Variants in STRA6 observed in about 807,000 individuals in gnomAD.
STRA6 encodes the protein receptor for retinol uptake STRA6.
A neutral mutation model predicts 83.6 loss-of-function variants in STRA6; 48 were observed. The ratio of observed to expected loss-of-function variants is 0.57; its 90% CI spans 0.46 to 0.73. The LOEUF (loss-of-function observed/expected upper bound fraction) is 0.73, where lower values mean the gene tolerates loss of function less well. STRA6 is among the 30% of genes least tolerant of loss of function. The pLI is 0.00. For missense variants in STRA6, 760 were observed against 838.8 expected (o/e 0.91, Z 1.16); for synonymous variants, 353 against 362.3 (o/e 0.97, Z 0.29).
chr15:74,191,286 C>G (rs780348885), intron 9 of STRA6, 43 bp from the exon 10 acceptor site: 1 of 1,611,128 alleles, frequency 6.2e-7, no homozygotes, highest in Non-Finnish European at 8.5e-7. Flanking sequence ...CAGGGGAAGC[C>G]CATTCCCTGA....
Position 74,180,783 on chromosome 15 carries a change from T to C in STRA6, c.1839A>G (p.Glu613=). Residue 613 remains glutamate, a splice_region_variant and synonymous_variant, in exon 18 of 19, where the codon GAA becomes GAG. Coordinates refer to ENST00000395105, the MANE Select transcript of STRA6 (RefSeq NM_022369.4). ...CCCATTCCCAGTGGGAGGGCGCACCTTCGTCTTCCTCCCCTGGTCTGAGGC... is the reference window on the plus strand; with the variant it reads ...CCCATTCCCAGTGGGAGGGCGCACCCTCGTCTTCCTCCCCTGGTCTGAGGC... ...QDSLRPGEED[E]GMQLLQTKDS... The C allele has an allele frequency of 1.9e-6, 3 of 1,604,250 alleles. No homozygotes were observed. The highest frequency in any genetic ancestry group is 2.6e-6 in the Non-Finnish European group (3 of 1,172,150).
At chr15:74,208,977 G>A (rs751356427) in exon 1 of STRA6, 40 of 1,003,566 alleles carry the variant, frequency 4.0e-5, no homozygotes, top group Non-Finnish European at 4.4e-5. Flanking sequence ...GTGTGGTCTC[G>A]GCAGTTGGCC....
In STRA6 at chr15:74,183,948, A is replaced by C. The variant is rs767710399; in HGVS notation, c.1208T>G (p.Leu403Trp). ...RALHRGAALD[L>W]SPLHRSPHPS... is the part of the protein sequence containing the mutation. ...ATGGGGACTCCGATGCAAGGGACTC[A>C]AGTCCAGGGCAGCTCCTCGGTGCAG... is the stretch of plus-strand genomic sequence containing the variant. The change falls in exon 14 of 19, where the codon TTG (leucine) becomes TGG (tryptophan). Residue 403 changes from leucine to tryptophan, a missense_variant. Transcript: ENST00000395105. 8.1e-6 allele frequency: 13 copies of C among 1,613,744 alleles called. No homozygotes were observed. The East Asian group carries it at 2.7e-4, about 33-fold the overall frequency.
chr15:74,210,995 G>A (rs1390792379), upstream of STRA6, among the ~76,000 whole-genome samples: 3 of 152,152 alleles, frequency 2.0e-5, 1 homozygote, highest in South Asian at 4.1e-4. Context: ...CTTAGCTAAG[G>A]CCAGATTATA....
chr15:74,187,469 C>T (rs952414017), intron 12 of STRA6, among the ~76,000 whole-genome samples: 3 of 151,846 alleles, frequency 2.0e-5, no homozygotes, highest in Non-Finnish European at 4.4e-5. Context: ...ATGCACTTTG[C>T]CCAAGGTCAC....
At chr15:74,202,963 G>A (rs551598673), upstream of STRA6, 3 of 986,378 alleles carry the variant, frequency 3.0e-6, no homozygotes, top group African/African-American at 1.7e-5. Context: ...GGTGTGGCCA[G>A]GAGCCACCCC....
chr15:74,202,290 C>G lies in STRA6; in HGVS notation c.-15-8G>C. 6.4e-7 allele frequency: 1 copy of G among 1,557,950 alleles called. No individual in the cohort carries two copies. Among genetic ancestry groups the G allele is most frequent in the Non-Finnish European group, 8.6e-7 (1 of 1,159,078 alleles). On this transcript the variant is annotated splice_polypyrimidine_tract_variant and splice_region_variant and intron_variant, in intron 1 of 18. Coordinates refer to ENST00000395105, the MANE Select transcript of STRA6 (RefSeq NM_022369.4). The stretch of plus-strand genomic sequence containing the variant: ...CATTCTCTGGCCCTTCTCCTTTGAC[C>G]CCAGGCGAGAGAAAAAAAAAGCCAC...
Position 74,189,285 on chromosome 15 carries a change from A to G in STRA6, c.928-8T>C. ...CAGCAGCAGCAGGGCCACCTGGAAG[A>G]GCCCCACAGTGAGGGCCCCATCCCA... is the stretch of plus-strand genomic sequence containing the variant. On this transcript the variant is annotated splice_region_variant and splice_polypyrimidine_tract_variant and intron_variant, in intron 11 of 18. Coordinates refer to ENST00000395105, the MANE Select transcript of STRA6 (RefSeq NM_022369.4). 6.3e-7 allele frequency: 1 copy of G among 1,587,830 alleles called. No homozygotes were observed. The highest frequency in any genetic ancestry group is 1.3e-5 in the African/African-American group (1 of 74,694).
At chr15:74,203,097 G>A (rs2074160589), upstream of STRA6, 7 of 985,446 alleles carry the variant, frequency 7.1e-6, no homozygotes, top group East Asian at 1.1e-4. Context: ...AGCAACAACC[G>A]AGTGAGACGG....
At chr15:74,182,110 C>T (rs774901451) in intron 16 of STRA6, 51 bp downstream of exon 16, 46 of 1,502,342 alleles carry the variant, frequency 3.1e-5, no homozygotes, top group Non-Finnish European at 3.8e-5. Flanking sequence ...AGAGAGACAC[C>T]GAAGAAGAGG....
In STRA6 at chr15:74,188,405, G is replaced by C. The variant is rs541939747; in HGVS notation, c.1090+710C>G. Among the ~76,000 whole-genome samples the C allele has an allele frequency of 6.6e-6, 1 of 152,240 alleles. No individual in the cohort carries two copies. The highest frequency in any genetic ancestry group is 1.9e-4 in the East Asian group (1 of 5,194). On this transcript the variant is annotated intron_variant, in intron 12 of 18. Transcript: ENST00000395105. This position sits in a 1 kb window ranked among gnomAD's most constrained non-coding sequence, Gnocchi z 4.5. The stretch of plus-strand genomic sequence containing the variant: ...TCCTGAGTCCTCAGCACCGGGCTTT[G>C]TCCCAAGGTGATGGAGAAGGCCCCC...
intron 2 of STRA6, among the ~76,000 whole-genome samples, chr15:74,198,750 C>A (rs80309972): frequency 0.039 from 5,905 of 152,324 alleles, 369 homozygotes; most frequent in African/African-American, 0.13. Context: ...CCAGCACCTG[C>A]TGAGCTGAAT....
chr15:74,191,446 A>G lies in STRA6; in HGVS notation c.766T>C (p.Cys256Arg), dbSNP rs750240067. Residue 256 changes from cysteine to arginine, a missense_variant, in exon 9 of 19, where the codon TGC (cysteine) becomes CGC (arginine). Transcript: ENST00000395105. ...CACCTGCTTCCCAGCTTCTTCCTGC[A>G]AAGGAGGTTCCTCAGATATTCCTCA... ...YSEEYLRNLL[C>R]RKKLGSSYHT... is the part of the protein sequence containing the mutation. 6 of 1,614,058 alleles carry G rather than the reference A, an allele frequency of 3.7e-6. No individual in the cohort carries two copies. The highest frequency in any genetic ancestry group is 3.3e-5 in the Admixed American group (2 of 60,010).
chr15:74,208,743 G>A (rs1231624249), intron 1 of STRA6: 20 of 987,564 alleles, frequency 2.0e-5, no homozygotes, highest in East Asian at 2.3e-4. Flanking sequence ...GTGCCTTCTC[G>A]CTGTTCCCCG....
chr15:74,187,872 C>A (rs1451854040), intron 12 of STRA6, among the ~76,000 whole-genome samples: 1 of 152,140 alleles, frequency 6.6e-6, no homozygotes, highest in Non-Finnish European at 1.5e-5. Flanking sequence ...TGTCTTTGAG[C>A]CTCAATGTCC....
At chr15:74,185,193 C>T (rs1567181441) in intron 12 of STRA6, 138 bp from the exon 13 acceptor site, 3 of 815,786 alleles carry the variant, frequency 3.7e-6, no homozygotes, top group Non-Finnish European at 6.2e-6. Flanking sequence ...GCCTCTTGGC[C>T]CCACCCCCAG....
At chr15:74,180,988 A>C in intron 17 of STRA6, 51 bp from the exon 18 acceptor site, 4 of 1,607,740 alleles carry the variant, frequency 2.5e-6, no homozygotes, top group Non-Finnish European at 3.4e-6. Flanking sequence ...GCCACACTGG[A>C]GGCATCCAGA....
chr15:74,182,770 A>C (rs2073059315), intron 14 of STRA6: 3 of 377,162 alleles, frequency 8.0e-6, no homozygotes, highest in Non-Finnish European at 1.5e-5. Context: ...GTTTCTCCTG[A>C]GTTTGAGTTA....
intron 16 of STRA6, among the ~76,000 whole-genome samples, 173 bp from the exon 17 acceptor site, chr15:74,181,631 T>C (rs979060661): frequency 1.3e-5 from 2 of 152,176 alleles, no homozygotes; most frequent in African/African-American, 2.4e-5. Flanking sequence ...CAACCCACCA[T>C]GCTGGGAGAT....
Sources: allele counts gnomAD v4.1 joint callset (sites outside exome capture counted in the v4.1 genomes callset), GRCh38; gene constraint gnomAD v4.1.1; non-coding constraint Gnocchi (gnomAD v3.1); transcripts MANE v1.5; gene names NCBI Gene and HGNC (gene_info 2026-07-23, HGNC 2026-07-21).